Variants in XKR4 observed in about 807,000 individuals in gnomAD.
XKR4 encodes the protein XK-related protein 4.
Under a neutral mutation model 53.9 loss-of-function variants are expected in XKR4, and 12 were observed. The ratio of observed to expected loss-of-function variants is 0.22; its 90% CI spans 0.14 to 0.36. XKR4 has a LOEUF of 0.36. Among genes scored for constraint, XKR4 ranks in the 10% least tolerant of loss-of-function variants. XKR4 has a pLI of 1.00. For missense variants in XKR4, 799 were observed against 859.5 expected, an observed-to-expected ratio of 0.93 and a Z score of 0.88; for synonymous variants, 354 against 362.4, an observed-to-expected ratio of 0.98 and a Z score of 0.26.
rs889192195 is a variant in XKR4, at chr8:55,142,927, G to T, written c.806+39633G>T. Among the ~76,000 whole-genome samples, 15 of 152,298 alleles carry T rather than the reference G, an allele frequency of 9.8e-5. 1 individual carries two copies. The highest frequency in any genetic ancestry group is 7.8e-4 in the Admixed American group (12 of 15,304). On this transcript the variant is annotated intron_variant, in intron 1 of 2. Transcript: ENST00000327381. ...GAAGGCCCCTTTGATGCCCCTGCTA[G>T]GCAGCGGTCCCTTGTGGGTGACCAT...
chr8:55,321,356 C>T (rs1477896243), intron 1 of XKR4, among the ~76,000 whole-genome samples: 2 of 152,172 alleles, frequency 1.3e-5, no homozygotes, highest in Non-Finnish European at 2.9e-5. Flanking sequence ...ACATGAATTA[C>T]TGAAAGTGTT....
chr8:55,516,997 C>A (rs1198493048), intron 2 of XKR4, among the ~76,000 whole-genome samples: 2 of 152,044 alleles, frequency 1.3e-5, no homozygotes, highest in East Asian at 3.9e-4. Context: ...GAACTGGGAG[C>A]CACTATCCTA....
chr8:55,114,055 G>A (rs1653279856), intron 1 of XKR4, among the ~76,000 whole-genome samples: 1 of 152,084 alleles, frequency 6.6e-6, no homozygotes, highest in South Asian at 2.1e-4. Flanking sequence ...TTGTTTTTAT[G>A]ATAGAACGAT....
At chr8:55,201,862 A>G (rs1405900639) in intron 1 of XKR4, among the ~76,000 whole-genome samples, 4 of 152,204 alleles carry the variant, frequency 2.6e-5, no homozygotes, top group African/African-American at 4.8e-5. Context: ...ATGGTTTCCA[A>G]TCAATATCTT....
At chr8:55,492,229 A>G (rs1484784449) in intron 2 of XKR4, among the ~76,000 whole-genome samples, 1 of 152,108 alleles carries the variant, frequency 6.6e-6, no homozygotes, top group African/African-American at 2.4e-5. Flanking sequence ...CCAGTTGTCT[A>G]GTTGTTTATG....
intron 2 of XKR4, among the ~76,000 whole-genome samples, chr8:55,494,228 C>T (rs2939673): frequency 0.42 from 63,462 of 152,164 alleles, 14,666 homozygotes; most frequent in African/African-American, 0.62. Context: ...AGGCACACCA[C>T]AAGCAGCACC....
intron 1 of XKR4, among the ~76,000 whole-genome samples, chr8:55,248,001 G>A (rs1818310642): frequency 1.3e-5 from 2 of 151,226 alleles, no homozygotes; most frequent in Non-Finnish European, 1.5e-5. Context: ...GACTACAGGT[G>A]CGTGCCACTA....
chr8:55,123,816 TTTCTC>T (rs1334613645), intron 1 of XKR4, among the ~76,000 whole-genome samples: 1 of 152,224 alleles, frequency 6.6e-6, no homozygotes, highest in Non-Finnish European at 1.5e-5. Context: ...CCATTCTTGT[TTTCTC>T]TTAAGGACTG....
At chr8:55,341,938 A>G (rs1053659314) in intron 1 of XKR4, among the ~76,000 whole-genome samples, 1 of 152,066 alleles carries the variant, frequency 6.6e-6, no homozygotes, top group South Asian at 2.1e-4. Flanking sequence ...GGGCAGTCTC[A>G]TCTTGTCTTA....
intron 2 of XKR4, among the ~76,000 whole-genome samples, chr8:55,385,817 A>G (rs1804301277): frequency 6.6e-6 from 1 of 152,242 alleles, no homozygotes; most frequent in African/African-American, 2.4e-5. Flanking sequence ...AGAAAGAACC[A>G]TGAGGAGAGA....
chr8:55,113,405 G>A lies in XKR4; in HGVS notation c.806+10111G>A, dbSNP rs547467184. Among the ~76,000 whole-genome samples, 11 of 152,266 alleles carry A rather than the reference G, an allele frequency of 7.2e-5. No homozygotes were observed. The South Asian group carries it at 1.9e-3, about 26-fold the overall frequency. On this transcript the variant is annotated intron_variant, in intron 1 of 2. Coordinates refer to ENST00000327381, the MANE Select transcript of XKR4 (RefSeq NM_052898.2). ...GAGAGCAGATTTTCAGTTCTTAGAAGGAGTAGGAAAATCGTACTGACCTCC... is the reference window on the plus strand; with the variant it reads ...GAGAGCAGATTTTCAGTTCTTAGAAAGAGTAGGAAAATCGTACTGACCTCC...
chr8:55,444,210 C>T (rs1048257497), intron 2 of XKR4, among the ~76,000 whole-genome samples: 9 of 151,904 alleles, frequency 5.9e-5, no homozygotes, highest in African/African-American at 2.2e-4. Context: ...ACTCCTGCCT[C>T]ATAATACAAA....
chr8:55,387,373 G>C (rs192400523), intron 2 of XKR4, among the ~76,000 whole-genome samples: 15 of 152,266 alleles, frequency 9.9e-5, no homozygotes, highest in African/African-American at 3.6e-4. Context: ...GGTTTTGACA[G>C]TGCCCTTAGG....
intron 1 of XKR4, among the ~76,000 whole-genome samples, chr8:55,245,108 T>A (rs1178439077): frequency 1.3e-5 from 2 of 151,998 alleles, no homozygotes; most frequent in East Asian, 1.9e-4. Flanking sequence ...TTTTTCACCA[T>A]GTTGGCAAGG....
intron 1 of XKR4, among the ~76,000 whole-genome samples, chr8:55,332,101 A>G (rs1304767835): frequency 2.0e-5 from 3 of 151,780 alleles, no homozygotes; most frequent in South Asian, 2.1e-4. Context: ...CCTTTTGTGT[A>G]TAGTCTATAG....
intron 1 of XKR4, among the ~76,000 whole-genome samples, chr8:55,336,219 T>G (rs1199970868): frequency 6.6e-6 from 1 of 151,986 alleles, no homozygotes; most frequent in Non-Finnish European, 1.5e-5. Context: ...TCTGGGCTAT[T>G]CTTGTGATAG....
At chr8:55,451,321 G>A (rs1186589748) in intron 2 of XKR4, 6 of 624,436 alleles carry the variant, frequency 9.6e-6, no homozygotes, top group African/African-American at 1.8e-5. Context: ...CATGGGGTTA[G>A]ACAGAGTGGT....
In XKR4 at chr8:55,245,541, G is replaced by T. The variant is rs367955842; in HGVS notation, c.807-112137G>T. On this transcript the variant is annotated intron_variant, in intron 1 of 2. Coordinates refer to ENST00000327381, the MANE Select transcript of XKR4 (RefSeq NM_052898.2). ...TAATCTTTAGCTCACTGATTGCATC[G>T]CTGTTTTCTTTGCTGTCCTCTTTTC... is the stretch of plus-strand genomic sequence containing the variant. 7.5e-4 allele frequency among the ~76,000 whole-genome samples: 114 copies of T among 152,136 alleles called. 4 individuals carry two copies. In the South Asian group the frequency reaches 0.023, roughly 31 times the overall value.
chr8:55,372,062 C>T (rs932641025), intron 2 of XKR4, among the ~76,000 whole-genome samples: 1 of 152,132 alleles, frequency 6.6e-6, no homozygotes, highest in African/African-American at 2.4e-5. Context: ...GGGAGAGGAG[C>T]GGGGTCATGG....
Sources: gnomAD v4.1 joint callset for allele counts (sites outside exome capture counted in the v4.1 genomes callset) on GRCh38, gnomAD v4.1.1 for gene constraint, MANE v1.5 for transcripts, NCBI Gene and HGNC (gene_info 2026-07-23, HGNC 2026-07-21) for gene names.